The following ZNF777 variants were observed in gnomAD, a reference collection of about 807,000 sequenced individuals.
The protein encoded by ZNF777 is zinc finger protein 777.
Under a neutral mutation model 72.1 loss-of-function variants are expected in ZNF777, and 7 were observed. That is an observed-to-expected ratio of 0.10 (90% confidence interval 0.06 to 0.18). ZNF777 has a LOEUF of 0.18. ZNF777 is among the 10% of genes least tolerant of loss of function. ZNF777 has a pLI of 1.00. For missense variants in ZNF777, 828 were observed against 1,128.6 expected (o/e 0.73, Z 3.82); for synonymous variants, 545 against 483.5 (o/e 1.13, Z -1.67).
chr7:149,457,578 G>C (rs1563241630), intron 1 of ZNF777, among the ~76,000 whole-genome samples: 1 of 152,130 alleles, frequency 6.6e-6, no homozygotes, highest in Non-Finnish European at 1.5e-5. Context: ...ATCTTCTACA[G>C]CTTTTTTCTT....
At chr7:149,458,516 C>T (rs1382483612) in intron 1 of ZNF777, among the ~76,000 whole-genome samples, 7 of 151,362 alleles carry the variant, frequency 4.6e-5, no homozygotes, top group African/African-American at 1.7e-4. Flanking sequence ...CAAAACAAAA[C>T]AAAACAAAAC....
Position 149,460,025 on chromosome 7 carries a change from C to A in ZNF777, c.-16+790G>T. On this transcript the variant is annotated intron_variant, in intron 1 of 5. Transcript: ENST00000247930. The surrounding 1 kb of genome is among the most constrained non-coding windows in gnomAD (Gnocchi z 6.1). ...CGCCAACGTCGTAGCGTTTCTGCCC[C>A]TTACCGAGATCCCAGGCCGGGCCGC... 4.1e-6 allele frequency: 4 copies of A among 981,406 alleles called. No homozygotes were observed. The highest frequency in any genetic ancestry group is 4.8e-6 in the Non-Finnish European group (4 of 827,544). 60.8% of individuals were successfully genotyped at this position (981,406 alleles called of 1,614,324 possible). A position where few individuals can be genotyped will look rare whatever the true frequency, so the allele number is the denominator to read the frequency against.
Position 149,455,551 on chromosome 7 carries a change from G to C in ZNF777, c.472C>G (p.Pro158Ala). 6.2e-7 allele frequency: 1 copy of C among 1,613,904 alleles called. No homozygotes were observed. Among genetic ancestry groups the C allele is most frequent in the Non-Finnish European group, 8.5e-7 (1 of 1,179,996 alleles). ...AAAGGGGTGTCCTTTTGGGAAACCG[G>C]GCTCTGGAGCAGCGGGTCCATGTCA... The part of the protein sequence containing the change: ...ETDMDPLLQS[P>A]VSQKDTPFQI... Residue 158 changes from proline (P) to alanine (A), a missense_variant, in exon 2 of 6, where the codon CCG becomes GCG. Pro to Ala is a conservative substitution (Grantham distance 27). Coordinates refer to ENST00000247930, the MANE Select transcript of ZNF777 (RefSeq NM_015694.3). The surrounding 1 kb of genome is among the most constrained non-coding windows in gnomAD (Gnocchi z 4.2).
At position 149,431,743 on chromosome 7, in the gene ZNF777, C is replaced by T. The variant is rs1169948166; in HGVS notation, c.*33G>A. 3 of 1,389,926 alleles carry T rather than the reference C, an allele frequency of 2.2e-6. No homozygotes were observed. The highest frequency in any genetic ancestry group is 2.8e-6 in the Non-Finnish European group (3 of 1,079,094). The allele number at this position is 1,389,926 out of a possible 1,614,324, so 86.1% of individuals were successfully genotyped here. On this transcript the variant is annotated 3_prime_UTR_variant, in exon 6 of 6. Transcript: ENST00000247930. ...TGTCCGAGGGGGGGCACGGCCCGCG[C>T]ACCTGGCCGGGCGGCGGCGGCGGGG...
intron 5 of ZNF777, among the ~76,000 whole-genome samples, chr7:149,434,828 T>A (rs766633056): frequency 2.0e-5 from 3 of 152,156 alleles, no homozygotes; most frequent in Non-Finnish European, 4.4e-5. Flanking sequence ...AGTGATCCGA[T>A]CCGCCTGCCC....
intron 3 of ZNF777, among the ~76,000 whole-genome samples, chr7:149,453,660 G>A (rs906825755): frequency 6.6e-6 from 1 of 152,132 alleles, no homozygotes; most frequent in Admixed American, 6.5e-5. Context: ...CTTAGCCTCC[G>A]CAACATCTTG....
chr7:149,456,682 T>G (rs1238159733), intron 1 of ZNF777, among the ~76,000 whole-genome samples: 1 of 152,220 alleles, frequency 6.6e-6, no homozygotes, highest in East Asian at 1.9e-4. Flanking sequence ...GCCTTTGTGG[T>G]GCCCTGGGTT....
At position 149,432,244 on chromosome 7, in the gene ZNF777, G is replaced by A; in HGVS notation, c.2028C>T (p.His676=). 6.2e-7 allele frequency: 1 copy of A among 1,603,806 alleles called. No individual in the cohort carries two copies. Among genetic ancestry groups the A allele is most frequent in the Non-Finnish European group, 8.5e-7 (1 of 1,178,298 alleles). ...CPECKKSFRL[H]ISLVIHQRVH... is the part of the protein sequence containing the mutation. ...CGCGCTGATGGATCACCAAGCTGAT[G>A]TGCAGGCGGAAGCTCTTCTTGCACT... Residue 676 remains histidine, a synonymous_variant, in exon 6 of 6, where the codon CAC becomes CAT. Coordinates refer to ENST00000247930, the MANE Select transcript of ZNF777 (RefSeq NM_015694.3).
chr7:149,447,972 A>C (rs1228512823), intron 4 of ZNF777, among the ~76,000 whole-genome samples: 1 of 152,172 alleles, frequency 6.6e-6, no homozygotes, highest in Non-Finnish European at 1.5e-5. Context: ...TACCAAAGAG[A>C]TCTGATGAAC....
Position 149,432,135 on chromosome 7 carries a change from G to T in ZNF777, c.2137C>A (p.Gln713Lys). Residue 713 changes from glutamine to lysine, a missense_variant, in exon 6 of 6, where the codon CAG becomes AAG. This residue lies in a region of ZNF777 where 49 missense variants were observed against 135.8 expected (regional missense o/e 0.36). Transcript: ENST00000247930. The stretch of plus-strand genomic sequence containing the variant: ...GGCCGCTCGCCTGTGTGAGTCCGCT[G>T]GTGGCGCAGCAGGTGCGAGGGGCGG... ...FSRPSHLLRH[Q>K]RTHTGERPFK... 6.2e-7 allele frequency: 1 copy of T among 1,605,070 alleles called. No individual in the cohort carries two copies. The highest frequency in any genetic ancestry group is 8.5e-7 in the Non-Finnish European group (1 of 1,179,810).
chr7:149,460,085 C>T lies in ZNF777; in HGVS notation c.-16+730G>A. The T allele has an allele frequency of 1.0e-6, 1 of 982,256 alleles. No individual in the cohort carries two copies. The highest frequency in any genetic ancestry group is 1.2e-6 in the Non-Finnish European group (1 of 828,778). 60.8% of individuals were successfully genotyped at this position (982,256 alleles called of 1,614,324 possible). A position where few individuals can be genotyped will look rare whatever the true frequency, so the allele number is the denominator to read the frequency against. On this transcript the variant is annotated intron_variant, in intron 1 of 5. Coordinates refer to ENST00000247930, the MANE Select transcript of ZNF777 (RefSeq NM_015694.3). This position sits in a 1 kb window ranked among gnomAD's most constrained non-coding sequence, Gnocchi z 6.1. ...GACACGCAGGCCGTCCCCGGGGCCC[C>T]GAGGCCGCGCGTCCGTGCGCGCGCG...
chr7:149,459,932 G>A (rs1351771508), intron 1 of ZNF777: 25 of 940,468 alleles, frequency 2.7e-5, no homozygotes, highest in Non-Finnish European at 6.3e-6. Context: ...CGGCGGCGAG[G>A]CCCGTAGCCC....
rs148041785 is a variant in ZNF777, at chr7:149,445,684, C to G, written c.1087+5315G>C. Among the ~76,000 whole-genome samples the G allele has an allele frequency of 8.7e-3, 1,324 of 152,298 alleles. 28 individuals carry two copies. Among genetic ancestry groups the G allele is most frequent in the African/African-American group, 0.03 (1,250 of 41,534 alleles). Reference sequence around the variant, plus strand: ...TCTTCCCGTTTTCAATATGGTGCCCCACCCTCAACTGTGCCTGGTGCCCAT... The same window carrying G: ...TCTTCCCGTTTTCAATATGGTGCCCGACCCTCAACTGTGCCTGGTGCCCAT... On this transcript the variant is annotated intron_variant, in intron 4 of 5. Transcript: ENST00000247930.
chr7:149,454,061 C>T (rs371413815), intron 3 of ZNF777, 50 bp downstream of exon 3: 2 of 1,609,520 alleles, frequency 1.2e-6, no homozygotes, highest in Non-Finnish European at 1.7e-6. Flanking sequence ...TATGAATGCA[C>T]TTTGAGCTGG....
chr7:149,450,557 C>T (rs1799694243), intron 4 of ZNF777, among the ~76,000 whole-genome samples: 1 of 152,208 alleles, frequency 6.6e-6, no homozygotes, highest in South Asian at 2.1e-4. Context: ...CTGACTCCAC[C>T]TACATGCTGT....
At chr7:149,451,630 T>G (rs1157875696) in intron 3 of ZNF777, among the ~76,000 whole-genome samples, 1 of 151,890 alleles carries the variant, frequency 6.6e-6, no homozygotes, top group Non-Finnish European at 1.5e-5. Context: ...AGGCAGAGGT[T>G]GCAGTGAGCC....
chr7:149,432,354 C>T lies in ZNF777; in HGVS notation c.1918G>A (p.Glu640Lys), dbSNP rs761345665. 3.7e-6 allele frequency: 6 copies of T among 1,612,298 alleles called. No individual in the cohort carries two copies. The highest frequency in any genetic ancestry group is 1.3e-5 in the African/African-American group (1 of 75,048). ...GGGPKPYKCP[E>K]CDSSFSHKSS... Reference sequence around the variant, plus strand: ...TTGTGGCTGAAGCTGCTGTCGCACTCGGGGCACTTGTAGGGCTTAGGGCCA... The same window carrying T: ...TTGTGGCTGAAGCTGCTGTCGCACTTGGGGCACTTGTAGGGCTTAGGGCCA... Residue 640 changes from glutamate (E) to lysine (K), a missense_variant, in exon 6 of 6, where the codon GAG becomes AAG. Glu to Lys is a moderately conservative substitution (Grantham distance 56, BLOSUM62 1). Coordinates refer to ENST00000247930, the MANE Select transcript of ZNF777 (RefSeq NM_015694.3).
chr7:149,442,165 C>T (rs528623703), intron 4 of ZNF777, among the ~76,000 whole-genome samples: 136 of 139,148 alleles, frequency 9.8e-4, no homozygotes, highest in Middle Eastern at 4.6e-3. Context: ...TGCAGTGAGC[C>T]GAGATTGCGC....
In ZNF777 at chr7:149,432,319, C is replaced by G. The variant is rs375709845; in HGVS notation, c.1953G>C (p.Leu651=). 3.7e-6 allele frequency: 6 copies of G among 1,609,426 alleles called. No homozygotes were observed. In the African/African-American group the frequency reaches 6.7e-5, roughly 18 times the overall value. The change falls in exon 6 of 6, where the codon CTG becomes CTC. Residue 651 remains leucine, a synonymous_variant. Transcript: ENST00000247930. ...CCGTGTGCGTGATCTGGTGTTTGGT[C>G]AGGCTGGACTTGTGGCTGAAGCTGC... ...CDSSFSHKSS[L]TKHQITHTGE...
Sources: allele counts gnomAD v4.1 joint callset (sites outside exome capture counted in the v4.1 genomes callset), GRCh38; gene constraint gnomAD v4.1.1; regional missense constraint gnomAD v4.1.1; non-coding constraint Gnocchi (gnomAD v3.1); transcripts MANE v1.5; gene names NCBI Gene and HGNC (gene_info 2026-07-23, HGNC 2026-07-21).